CSMD3: variants seen among roughly 807,000 people sequenced by gnomAD.
CSMD3 encodes the protein CUB and sushi domain-containing protein 3.
In CSMD3, 177 loss-of-function variants were observed where a neutral mutation model predicts 435.2. The ratio of observed to expected loss-of-function variants is 0.41; its 90% CI spans 0.36 to 0.46. The LOEUF (loss-of-function observed/expected upper bound fraction) is 0.46, where lower values mean the gene tolerates loss of function less well. Among genes scored for constraint, CSMD3 ranks in the 20% least tolerant of loss-of-function variants. CSMD3 has a pLI of 0.34. For missense variants in CSMD3, 4,265 were observed against 4,504.6 expected (o/e 0.95, Z 1.52); for synonymous variants, 1,656 against 1,520.5 (o/e 1.09, Z -2.07).
intron 4 of CSMD3, among the ~76,000 whole-genome samples, chr8:113,157,379 G>A (rs565717009): frequency 6.6e-6 from 1 of 151,944 alleles, no homozygotes; most frequent in African/African-American, 2.4e-5. Flanking sequence ...CAGCTTCTAT[G>A]ACACTGTGGC....
At chr8:113,006,779 A>G (rs926994198) in intron 6 of CSMD3, among the ~76,000 whole-genome samples, 6 of 151,884 alleles carry the variant, frequency 4.0e-5, no homozygotes, top group African/African-American at 1.4e-4. Flanking sequence ...GCAGAAGGAG[A>G]CTGGGATATG....
intron 9 of CSMD3, among the ~76,000 whole-genome samples, chr8:112,928,878 G>T (rs2083002238): frequency 2.1e-5 from 3 of 143,150 alleles, no homozygotes; most frequent in African/African-American, 7.6e-5. Flanking sequence ...CTTCCACAAT[G>T]GTTGAACTAG....
chr8:112,259,555 G>A (rs1323308908), intron 61 of CSMD3, among the ~76,000 whole-genome samples: 5 of 152,020 alleles, frequency 3.3e-5, no homozygotes, highest in Admixed American at 2.0e-4. Context: ...AAAACTGCAC[G>A]TTCTTCACCT....
chr8:112,281,337 A>C lies in CSMD3; in HGVS notation c.9345T>G (p.Gly3115=). 1 of 1,612,762 alleles carries C rather than the reference A, an allele frequency of 6.2e-7. No individual in the cohort carries two copies. The highest frequency in any genetic ancestry group is 8.5e-7 in the Non-Finnish European group (1 of 1,179,002). Residue 3115 remains glycine (G), a synonymous_variant, in exon 59 of 71, where the codon GGT becomes GGG. Coordinates refer to ENST00000297405, the MANE Select transcript of CSMD3 (RefSeq NM_198123.2). ...TCCCATTGGCTGTGGTTCCTGGGTT[A>C]CCACACTGCACAGCTATAAAACAAA... The part of the protein sequence containing the change: ...RQPECKAVQC[G]NPGTTANGKV...
chr8:112,949,884 A>G (rs918672601), intron 8 of CSMD3, among the ~76,000 whole-genome samples: 6 of 151,844 alleles, frequency 4.0e-5, no homozygotes, highest in Non-Finnish European at 7.4e-5. Flanking sequence ...TGTTTTCTCC[A>G]TGTCTCCATG....
At chr8:113,431,424 T>G (rs1458563616) in intron 1 of CSMD3, among the ~76,000 whole-genome samples, 1 of 152,238 alleles carries the variant, frequency 6.6e-6, no homozygotes, top group Non-Finnish European at 1.5e-5. Context: ...CCATTTTATT[T>G]CTAATTTCCC....
intron 1 of CSMD3, among the ~76,000 whole-genome samples, chr8:113,430,134 T>C (rs527346378): frequency 3.3e-5 from 5 of 152,250 alleles, no homozygotes; most frequent in Non-Finnish European, 5.9e-5. Context: ...TTCTCAGCTG[T>C]ATAATGGCCT....
chr8:112,655,824 A>C (rs1472704103), intron 18 of CSMD3, among the ~76,000 whole-genome samples: 1 of 152,068 alleles, frequency 6.6e-6, no homozygotes, highest in Non-Finnish European at 1.5e-5. Context: ...TATTGTTTAT[A>C]TATATCTTAG....
At chr8:112,941,664 T>C (rs1201579092) in intron 9 of CSMD3, among the ~76,000 whole-genome samples, 1 of 151,756 alleles carries the variant, frequency 6.6e-6, no homozygotes, top group Non-Finnish European at 1.5e-5. Flanking sequence ...GTAACAAACA[T>C]GCTAGAGAAA....
At chr8:112,667,484 G>A (rs1238018882) in intron 16 of CSMD3, among the ~76,000 whole-genome samples, 7 of 152,028 alleles carry the variant, frequency 4.6e-5, no homozygotes, top group Admixed American at 2.0e-4. Flanking sequence ...AATAACCCCT[G>A]AACTGGTCTC....
intron 13 of CSMD3, among the ~76,000 whole-genome samples, chr8:112,739,055 A>T (rs1204673583): frequency 1.3e-5 from 2 of 151,734 alleles, no homozygotes; most frequent in Non-Finnish European, 3.0e-5. Context: ...TAAAGGTTAT[A>T]AAAATTAGCT....
At chr8:113,258,362 C>A (rs1413735628) in intron 3 of CSMD3, among the ~76,000 whole-genome samples, 2 of 152,116 alleles carry the variant, frequency 1.3e-5, no homozygotes, top group African/African-American at 2.4e-5. Context: ...GCAGAGACTG[C>A]CAGTTGTCTC....
At chr8:112,437,948 T>C (rs1814559699) in intron 32 of CSMD3, among the ~76,000 whole-genome samples, 1 of 152,052 alleles carries the variant, frequency 6.6e-6, no homozygotes, top group South Asian at 2.1e-4. Context: ...CACTTGAGGA[T>C]ACAGTTTTAT....
At chr8:112,288,334 G>A (rs1356220379) in intron 57 of CSMD3, among the ~76,000 whole-genome samples, 1 of 151,864 alleles carries the variant, frequency 6.6e-6, no homozygotes, top group Non-Finnish European at 1.5e-5. Flanking sequence ...AATTTACTAT[G>A]AGTCACTCCA....
intron 11 of CSMD3, among the ~76,000 whole-genome samples, chr8:112,833,488 C>A (rs1296837943): frequency 2.0e-5 from 3 of 151,922 alleles, no homozygotes; most frequent in African/African-American, 7.2e-5. Flanking sequence ...TATTTAAAAA[C>A]ATTTGTAAAT....
chr8:112,724,056 A>T (rs532527712), intron 13 of CSMD3, among the ~76,000 whole-genome samples: 1 of 152,110 alleles, frequency 6.6e-6, no homozygotes, highest in Non-Finnish European at 1.5e-5. Context: ...TAATAAAATT[A>T]TATAATATTA....
intron 12 of CSMD3, among the ~76,000 whole-genome samples, chr8:112,810,445 T>C (rs921462184): frequency 6.6e-6 from 1 of 152,148 alleles, no homozygotes; most frequent in Non-Finnish European, 1.5e-5. Flanking sequence ...TAATTAGCTT[T>C]GGGACACAAG....
chr8:112,605,990 T>C (rs1832762034), intron 22 of CSMD3, among the ~76,000 whole-genome samples: 1 of 152,120 alleles, frequency 6.6e-6, no homozygotes, highest in South Asian at 2.1e-4. Context: ...ACTAGCTAAT[T>C]AGATGCACAG....
intron 3 of CSMD3, among the ~76,000 whole-genome samples, chr8:113,202,371 T>TG (rs112676381): frequency 1.1e-4 from 17 of 152,270 alleles, no homozygotes; most frequent in African/African-American, 4.1e-4. Context: ...CTGCTGCCAG[T>TG]GACTGAAGAG....
Sources: allele counts gnomAD v4.1 joint callset (sites outside exome capture counted in the v4.1 genomes callset), GRCh38; gene constraint gnomAD v4.1.1; transcripts MANE v1.5; gene names NCBI Gene and HGNC (gene_info 2026-07-23, HGNC 2026-07-21).